APCDD1L: variants seen among roughly 807,000 people sequenced by gnomAD.
The protein encoded by APCDD1L is protein APCDD1-like.
Under a neutral mutation model 24.2 loss-of-function variants are expected in APCDD1L, and 21 were observed. The observed-to-expected ratio is 0.87, with a 90% CI of 0.61 to 1.25. The LOEUF (loss-of-function observed/expected upper bound fraction) is 1.25. Among genes scored for constraint, APCDD1L ranks in the 50% most tolerant of loss-of-function variants. The pLI is 0.00. For missense variants in APCDD1L, 704 were observed against 711.7 expected (o/e 0.99, Z 0.12); for synonymous variants, 321 against 323.6 (o/e 0.99, Z 0.09).
At chr20:58,466,949 T>C (rs939131732) in intron 3 of APCDD1L, among the ~76,000 whole-genome samples, 157 bp downstream of exon 3, 2 of 152,168 alleles carry the variant, frequency 1.3e-5, no homozygotes, top group Non-Finnish European at 2.9e-5. Context: ...GCAAATGTCC[T>C]GAGGCACGCG....
chr20:58,462,010 T>G, intron 3 of APCDD1L: 1 of 159,974 alleles, frequency 6.3e-6, no homozygotes, highest in Non-Finnish European at 1.4e-5. Context: ...TAAAAAGCCC[T>G]AGAAAGCCGG....
chr20:58,479,283 C>T (rs1166078333), intron 1 of APCDD1L, among the ~76,000 whole-genome samples: 1 of 152,190 alleles, frequency 6.6e-6, no homozygotes, highest in Non-Finnish European at 1.5e-5. Context: ...CTTTTCCCCC[C>T]CATACCAAGT....
At chr20:58,474,669 A>C (rs1183486917) in intron 1 of APCDD1L, among the ~76,000 whole-genome samples, 1 of 152,182 alleles carries the variant, frequency 6.6e-6, no homozygotes, top group Non-Finnish European at 1.5e-5. Flanking sequence ...ATGTCATTGC[A>C]CTCCAGACTG....
chr20:58,471,517 G>T (rs1467818306), intron 1 of APCDD1L, among the ~76,000 whole-genome samples: 1 of 152,258 alleles, frequency 6.6e-6, no homozygotes. Flanking sequence ...CGGGAAGCAG[G>T]CGCTGCAGCA....
In APCDD1L at chr20:58,470,640, G is replaced by A. The variant is rs779530434; in HGVS notation, c.157C>T (p.Pro53Ser). ...DRVPSTAILPPRLNGPWISTG... is the reference protein window; with the variant it reads ...DRVPSTAILPSRLNGPWISTG... Reference sequence around the variant, plus strand: ...GAGATCCAAGGTCCATTAAGGCGTGGAGGCAGGATCGCAGTGCTGGGCACT... The same window carrying A: ...GAGATCCAAGGTCCATTAAGGCGTGAAGGCAGGATCGCAGTGCTGGGCACT... Residue 53 changes from proline to serine, a missense_variant, in exon 2 of 4, where the codon CCA becomes TCA. Coordinates refer to ENST00000371149, the MANE Select transcript of APCDD1L (RefSeq NM_153360.3). 1 of 1,583,276 alleles carries A rather than the reference G, an allele frequency of 6.3e-7. No homozygotes were observed. The highest frequency in any genetic ancestry group is 1.3e-5 in the African/African-American group (1 of 74,884).
rs916178814 is a variant in APCDD1L, at chr20:58,459,190, C to T, written c.*1600G>A. ...TCAAGCTTCGGATACAAGACCTGCT[C>T]AGCCGTGGACATATCATCGACACCC... is the stretch of plus-strand genomic sequence containing the variant. On this transcript the variant is annotated 3_prime_UTR_variant, in exon 4 of 4. Coordinates refer to ENST00000371149, the MANE Select transcript of APCDD1L (RefSeq NM_153360.3). 6.6e-6 allele frequency: 1 copy of T among 152,198 alleles called. No individual in the cohort carries two copies. The highest frequency in any genetic ancestry group is 2.1e-4 in the South Asian group (1 of 4,834). 9.4% of individuals were successfully genotyped at this position (152,198 alleles called of 1,614,324 possible). A position where few individuals can be genotyped will look rare whatever the true frequency, so the allele number is the denominator to read the frequency against.
chr20:58,482,210 A>G (rs186705004), intron 1 of APCDD1L, among the ~76,000 whole-genome samples: 2 of 152,306 alleles, frequency 1.3e-5, no homozygotes, highest in East Asian at 3.9e-4. Flanking sequence ...CTAGAGTGCA[A>G]TTTTGTGGGA....
At chr20:58,482,105 A>G (rs1990035811) in intron 1 of APCDD1L, among the ~76,000 whole-genome samples, 1 of 152,214 alleles carries the variant, frequency 6.6e-6, no homozygotes, top group South Asian at 2.1e-4. Flanking sequence ...TTTTAAATGC[A>G]AGAAAATTAT....
intron 1 of APCDD1L, among the ~76,000 whole-genome samples, chr20:58,479,257 T>C (rs1989977460): frequency 1.3e-5 from 2 of 152,230 alleles, no homozygotes; most frequent in African/African-American, 4.8e-5. Flanking sequence ...CAACGATTAA[T>C]GAGATATTTT....
chr20:58,509,219 T>A (rs1288020665), intron 1 of APCDD1L, among the ~76,000 whole-genome samples: 1 of 151,956 alleles, frequency 6.6e-6, no homozygotes, highest in Non-Finnish European at 1.5e-5. Flanking sequence ...TGGTGCTGAG[T>A]GAGGAAGCAG....
chr20:58,471,016 C>G (rs1320578821), intron 1 of APCDD1L, among the ~76,000 whole-genome samples: 1 of 152,230 alleles, frequency 6.6e-6, no homozygotes, highest in Admixed American at 6.5e-5. Context: ...GGAGCCTGTC[C>G]CAGATTCTGG....
chr20:58,486,286 A>C (rs1432570841), intron 1 of APCDD1L, among the ~76,000 whole-genome samples: 1 of 152,226 alleles, frequency 6.6e-6, no homozygotes, highest in African/African-American at 2.4e-5. Flanking sequence ...AAATGAACAA[A>C]TAAAACTTTG....
Position 58,487,105 on chromosome 20 carries a change from C to A in APCDD1L, c.50-16358G>T, listed in dbSNP as rs763942474. Among the ~76,000 whole-genome samples, 47 of 151,726 alleles carry A rather than the reference C, an allele frequency of 3.1e-4. No individual in the cohort carries two copies. In the Middle Eastern group the frequency reaches 0.01, roughly 33 times the overall value. ...AGGTCTTAGTTTTAAGAAGAAATAA[C>A]AAGCAAAGAATTGGAAAATGTAATT... is the stretch of plus-strand genomic sequence containing the variant. On this transcript the variant is annotated intron_variant, in intron 1 of 3. Coordinates refer to ENST00000371149, the MANE Select transcript of APCDD1L (RefSeq NM_153360.3).
At chr20:58,504,532 G>T (rs942306040) in intron 1 of APCDD1L, among the ~76,000 whole-genome samples, 25 of 152,208 alleles carry the variant, frequency 1.6e-4, no homozygotes, top group Admixed American at 1.3e-3. Flanking sequence ...CCACAAGACA[G>T]TTGTGTAGAA....
chr20:58,485,921 T>C (rs1478580206), intron 1 of APCDD1L, among the ~76,000 whole-genome samples: 1 of 152,194 alleles, frequency 6.6e-6, no homozygotes, highest in Non-Finnish European at 1.5e-5. Context: ...TGGCATGAGA[T>C]TGGGCAGACC....
At chr20:58,483,972 T>C (rs1990073226) in intron 1 of APCDD1L, among the ~76,000 whole-genome samples, 1 of 152,112 alleles carries the variant, frequency 6.6e-6, no homozygotes, top group Non-Finnish European at 1.5e-5. Flanking sequence ...GGGGGCACAG[T>C]CAGAATGGGG....
intron 1 of APCDD1L, among the ~76,000 whole-genome samples, chr20:58,480,153 C>A (rs1454384020): frequency 3.3e-5 from 5 of 152,112 alleles, no homozygotes; most frequent in African/African-American, 1.2e-4. Flanking sequence ...GGCTGGCAGG[C>A]AAGTTGGGGA....
rs542506781 is a variant in APCDD1L, at chr20:58,500,687, C to T, written c.49+13972G>A. Among the ~76,000 whole-genome samples the T allele has an allele frequency of 9.6e-4, 146 of 152,266 alleles. 1 individual carries two copies. Among genetic ancestry groups the T allele is most frequent in the African/African-American group, 3.2e-3 (133 of 41,548 alleles). Reference sequence around the variant, plus strand: ...CCTGTCCACCCAATGGCTTTCCTTTCGGCTCACACCCTCACCACAGCCACC... The same window carrying T: ...CCTGTCCACCCAATGGCTTTCCTTTTGGCTCACACCCTCACCACAGCCACC... On this transcript the variant is annotated intron_variant, in intron 1 of 3. Transcript: ENST00000371149.
chr20:58,501,308 C>G (rs1291266467), intron 1 of APCDD1L, among the ~76,000 whole-genome samples: 1 of 152,130 alleles, frequency 6.6e-6, no homozygotes, highest in Non-Finnish European at 1.5e-5. Context: ...TATTTGGAGA[C>G]AGGGCTTTTA....
Sources: allele counts gnomAD v4.1 joint callset (sites outside exome capture counted in the v4.1 genomes callset), GRCh38; gene constraint gnomAD v4.1.1; transcripts MANE v1.5; gene names NCBI Gene and HGNC (gene_info 2026-07-23, HGNC 2026-07-21).